Variants in ZFHX3 observed in about 807,000 individuals in gnomAD.
ZFHX3 encodes the protein zinc finger homeobox protein 3.
ZFHX3 carries 42 observed loss-of-function variants against 279.1 expected under a neutral mutation model. That is an observed-to-expected ratio of 0.15 (90% CI 0.12 to 0.19). ZFHX3 has a LOEUF of 0.19. ZFHX3 is among the 10% of genes least tolerant of loss of function. ZFHX3 has a pLI of 1.00. For missense variants in ZFHX3, 4,981 were observed against 4,754.0 expected (o/e 1.05, Z -1.40); for synonymous variants, 2,293 against 1,957.8 (o/e 1.17, Z -4.52).
chr16:73,025,964 G>C (rs1195147724), intron 1 of ZFHX3, among the ~76,000 whole-genome samples: 21 of 152,012 alleles, frequency 1.4e-4, no homozygotes, highest in Non-Finnish European at 4.4e-5. Flanking sequence ...CAAGTTATGT[G>C]ACCTCCACAA....
rs574819061 is a variant in ZFHX3, at chr16:73,393,762, G to C, written c.-1291+62241C>G. On this transcript the variant is annotated intron_variant, in intron 3 of 17. Transcript: ENST00000641206. ...TCACCATAGTATCCAGTGGGTAAAA[G>C]CACTGTTTCAAAAGGAAAAATGCTA... 6.5e-4 allele frequency among the ~76,000 whole-genome samples: 99 copies of C among 151,994 alleles called. 2 individuals are homozygous for C. The South Asian group carries it at 0.02, about 30-fold the overall frequency.
exon 8 of ZFHX3, chr16:73,093,472 G>A (rs762187057): frequency 1.0e-5 from 5 of 499,882 alleles, no homozygotes; most frequent in Non-Finnish European, 2.0e-5. Context: ...AGGGCTCTCA[G>A]AGCTTCCAGG....
In ZFHX3 at chr16:72,950,862, C is replaced by T. The variant is rs141321462; in HGVS notation, c.2823G>A (p.Ser941=). Residue 941 remains serine (S), a synonymous_variant, in exon 3 of 10, where the codon TCG becomes TCA. Coordinates refer to ENST00000268489, the MANE Select transcript of ZFHX3 (RefSeq NM_006885.4). ...AGACGGCGCACTGGAAGAGCTTCAG[C>T]GACGGGTCGTTGGTCTGGATGAAGC... The part of the protein sequence containing the change: ...GESFIQTNDP[S]LKLFQCAVCN... 5.1e-5 allele frequency: 83 copies of T among 1,613,944 alleles called. No individual in the cohort carries two copies. Among genetic ancestry groups the T allele is most frequent in the Non-Finnish European group, 6.7e-5 (79 of 1,180,044 alleles).
chr16:73,465,982 T>C (rs998508659), intron 2 of ZFHX3, among the ~76,000 whole-genome samples: 1 of 143,012 alleles, frequency 7.0e-6, no homozygotes, highest in African/African-American at 2.6e-5. Context: ...ACTGGAAGAA[T>C]GCACAGAGCT....
intron 2 of ZFHX3, among the ~76,000 whole-genome samples, chr16:73,484,654 G>T (rs1317081628): frequency 6.6e-6 from 1 of 152,202 alleles, no homozygotes; most frequent in Non-Finnish European, 1.5e-5. Context: ...CCCATGTGAG[G>T]AGTAAAGGAC....
intron 5 of ZFHX3, among the ~76,000 whole-genome samples, chr16:73,159,207 T>C (rs1292345811): frequency 6.6e-6 from 1 of 152,234 alleles, no homozygotes; most frequent in Non-Finnish European, 1.5e-5. Context: ...ATCCAGCATC[T>C]ATAAGGAACT....
chr16:73,336,883 C>A (rs1037104179), intron 3 of ZFHX3, among the ~76,000 whole-genome samples: 2 of 152,064 alleles, frequency 1.3e-5, no homozygotes, highest in Non-Finnish European at 2.9e-5. Context: ...TTCTCATGAT[C>A]CCGTCCCTCG....
At chr16:72,922,987 T>C (rs886865251) in intron 3 of ZFHX3, among the ~76,000 whole-genome samples, 1 of 152,160 alleles carries the variant, frequency 6.6e-6, no homozygotes, top group Non-Finnish European at 1.5e-5. Context: ...ATGATTAGTA[T>C]CTAAGGCACT....
chr16:73,855,250 A>T (rs887277948), intron 1 of ZFHX3, among the ~76,000 whole-genome samples: 2 of 112,312 alleles, frequency 1.8e-5, no homozygotes, highest in Admixed American at 2.5e-4. Flanking sequence ...GTCAAATGCC[A>T]TTCGTTCAAT....
At chr16:73,066,436 T>C (rs961688624) in intron 8 of ZFHX3, among the ~76,000 whole-genome samples, 2 of 152,096 alleles carry the variant, frequency 1.3e-5, no homozygotes, top group Non-Finnish European at 2.9e-5. Flanking sequence ...CCCTTTTTTT[T>C]CCTGCGGGCT....
intron 3 of ZFHX3, among the ~76,000 whole-genome samples, chr16:72,922,278 C>T (rs2039604659): frequency 6.6e-6 from 1 of 152,172 alleles, no homozygotes; most frequent in African/African-American, 2.4e-5. Context: ...TGGTTTGGTT[C>T]TGCACTCAGC....
chr16:73,694,906 C>T (rs1018270903), intron 1 of ZFHX3, among the ~76,000 whole-genome samples: 16 of 152,178 alleles, frequency 1.1e-4, no homozygotes, highest in Non-Finnish European at 1.8e-4. Flanking sequence ...AACCATTTAC[C>T]GACCAATGGA....
At chr16:72,926,419 T>C (rs982687186) in intron 3 of ZFHX3, among the ~76,000 whole-genome samples, 4 of 152,152 alleles carry the variant, frequency 2.6e-5, no homozygotes, top group African/African-American at 9.7e-5. Flanking sequence ...TTCCAAACAC[T>C]TGTGTGTATT....
At chr16:73,797,075 T>C (rs1960015694) in intron 1 of ZFHX3, among the ~76,000 whole-genome samples, 1 of 150,238 alleles carries the variant, frequency 6.7e-6, no homozygotes, top group Non-Finnish European at 1.5e-5. Flanking sequence ...GGGTGGCACA[T>C]GCCTGTAATC....
chr16:73,287,082 G>A (rs2014629369), intron 4 of ZFHX3, among the ~76,000 whole-genome samples: 1 of 148,394 alleles, frequency 6.7e-6, no homozygotes, highest in South Asian at 2.2e-4. Context: ...GGCTGTGTGG[G>A]TGTGTGGGTA....
chr16:73,435,260 G>C (rs2017976661), intron 3 of ZFHX3, among the ~76,000 whole-genome samples: 1 of 152,120 alleles, frequency 6.6e-6, no homozygotes, highest in Non-Finnish European at 1.5e-5. Context: ...CTAAGCTGGA[G>C]TGCAGTGATG....
Position 72,796,951 on chromosome 16 carries a change from C to A in ZFHX3, c.5731G>T (p.Asp1911Tyr). 6.2e-7 allele frequency: 1 copy of A among 1,614,068 alleles called. No individual in the cohort carries two copies. The highest frequency in any genetic ancestry group is 8.5e-7 in the Non-Finnish European group (1 of 1,180,020). Residue 1911 changes from aspartate to tyrosine, a missense_variant, in exon 9 of 10, where the codon GAT becomes TAT. Asp to Tyr is a radical substitution (Grantham distance 160). Around this residue, in one of 7 missense-constraint regions of ZFHX3, gnomAD observed 1,751 missense variants for 1,770.0 expected, o/e 0.99. Coordinates refer to ENST00000268489, the MANE Select transcript of ZFHX3 (RefSeq NM_006885.4). ...GNTGPKETLP[D>Y]ALKAKEKKEL... ...TTCTTCTCTTTGGCCTTCAAGGCATCTGGCAGTGTTTCCTTCGGACCGGTG... is the reference window on the plus strand; with the variant it reads ...TTCTTCTCTTTGGCCTTCAAGGCATATGGCAGTGTTTCCTTCGGACCGGTG...
At chr16:73,649,349 G>A (rs942419466) in intron 2 of ZFHX3, among the ~76,000 whole-genome samples, 4 of 152,104 alleles carry the variant, frequency 2.6e-5, no homozygotes, top group Admixed American at 2.0e-4. Context: ...TACTCAACAT[G>A]TAATCATCAT....
intron 4 of ZFHX3, among the ~76,000 whole-genome samples, chr16:73,289,311 C>A (rs1218367947): frequency 6.6e-6 from 1 of 151,918 alleles, no homozygotes; most frequent in Non-Finnish European, 1.5e-5. Flanking sequence ...TGTTCCTGCT[C>A]CAGCCATTCA....
Sources: gnomAD v4.1 joint callset for allele counts (sites outside exome capture counted in the v4.1 genomes callset) on GRCh38, gnomAD v4.1.1 for gene constraint, gnomAD v4.1.1 regional missense constraint, MANE v1.5 for transcripts, NCBI Gene and HGNC (gene_info 2026-07-23, HGNC 2026-07-21) for gene names.